Variants in ADD3 observed in about 807,000 individuals in gnomAD.
ADD3 encodes adducin 3.
ADD3 carries 25 observed loss-of-function variants against 80.2 expected under a neutral mutation model. The ratio of observed to expected loss-of-function variants is 0.31; its 90% confidence interval spans 0.23 to 0.44. The LOEUF (loss-of-function observed/expected upper bound fraction) is 0.44, where lower values mean the gene tolerates loss of function less well. ADD3 is among the 20% of genes least tolerant of loss of function. ADD3 has a pLI of 1.00. For synonymous variants in ADD3, 284 were observed against 289.6 expected (o/e 0.98, Z 0.20); for missense variants, 829 against 847.5 (o/e 0.98, Z 0.27).
At chr10:110,053,611 TA>T (rs1005588645) in intron 1 of ADD3, among the ~76,000 whole-genome samples, 1 of 152,154 alleles carries the variant, frequency 6.6e-6, no homozygotes, top group African/African-American at 2.4e-5. Flanking sequence ...TTTTTAACTT[TA>T]AAAAAATAGT....
chr10:110,102,959 A>G (rs1395811400), intron 2 of ADD3, among the ~76,000 whole-genome samples: 1 of 152,222 alleles, frequency 6.6e-6, no homozygotes, highest in Admixed American at 6.5e-5. Flanking sequence ...GTGAAAGGGC[A>G]AACGCATAGT....
intron 1 of ADD3, among the ~76,000 whole-genome samples, chr10:110,050,670 A>C (rs1857420792): frequency 1.3e-5 from 2 of 151,908 alleles, no homozygotes; most frequent in Non-Finnish European, 2.9e-5. Context: ...GCACGACCAC[A>C]CCAAGCTAAT....
chr10:110,054,709 G>T (rs893075715), intron 1 of ADD3, among the ~76,000 whole-genome samples: 1 of 151,664 alleles, frequency 6.6e-6, no homozygotes, highest in African/African-American at 2.4e-5. Flanking sequence ...GCACCCCTGG[G>T]TTCATGCCAT....
At chr10:110,033,273 C>T (rs1269530624) in intron 1 of ADD3, among the ~76,000 whole-genome samples, 1 of 152,214 alleles carries the variant, frequency 6.6e-6, no homozygotes, top group Non-Finnish European at 1.5e-5. Flanking sequence ...TACCAGATGG[C>T]AGTCTTTTCT....
intron 1 of ADD3, among the ~76,000 whole-genome samples, chr10:110,073,136 T>A (rs1844955341): frequency 6.9e-6 from 1 of 145,952 alleles, no homozygotes; most frequent in African/African-American, 2.7e-5. Context: ...AGTTTTAGTT[T>A]TCTTTTTTTT....
rs897903954 is a variant in ADD3 at position 110,061,004 on chromosome 10, C to T, written c.-29-39621C>T. Among the ~76,000 whole-genome samples, 7 of 152,190 alleles carry T rather than the reference C, an allele frequency of 4.6e-5. 1 individual carries two copies. The highest frequency in any genetic ancestry group is 4.6e-4 in the Admixed American group (7 of 15,286). On this transcript the variant is annotated intron_variant, in intron 1 of 14. Coordinates refer to ENST00000356080, the MANE Select transcript of ADD3 (RefSeq NM_016824.5). Reference sequence around the variant, plus strand: ...GAAAAGAAAGAATTGGACTAGATGACCTTTAAGGTCCTTTTGACCGTATTT... The same window carrying T: ...GAAAAGAAAGAATTGGACTAGATGATCTTTAAGGTCCTTTTGACCGTATTT...
intron 1 of ADD3, among the ~76,000 whole-genome samples, chr10:110,092,385 A>G (rs748874641): frequency 6.6e-6 from 1 of 152,220 alleles, no homozygotes; most frequent in African/African-American, 2.4e-5. Context: ...ATACTATGCA[A>G]CCATAAAAAA....
At position 110,125,947 on chromosome 10, in the gene ADD3, T is replaced by A; in HGVS notation, c.1521+2T>A. On this transcript the variant is annotated splice_donor_variant, in intron 11 of 14. Coordinates refer to ENST00000356080, the MANE Select transcript of ADD3 (RefSeq NM_016824.5). LOFTEE classifies it high-confidence loss of function. The stretch of plus-strand genomic sequence containing the variant: ...GAGGTACTAGAAAAGAGAAATAAGG[T>A]AAGACATGGTCTTCTATAGCCAGGG... 6.2e-7 allele frequency: 1 copy of A among 1,602,256 alleles called. No homozygotes were observed. Among genetic ancestry groups the A allele is most frequent in the Non-Finnish European group, 8.5e-7 (1 of 1,172,496 alleles).
Position 110,119,373 on chromosome 10 carries a change from C to T in ADD3, c.861+19C>T. 1.2e-6 allele frequency: 2 copies of T among 1,613,358 alleles called. No homozygotes were observed. Among genetic ancestry groups the T allele is most frequent in the Non-Finnish European group, 8.5e-7 (1 of 1,179,484 alleles). On this transcript the variant is annotated intron_variant, in intron 7 of 14. Coordinates refer to ENST00000356080, the MANE Select transcript of ADD3 (RefSeq NM_016824.5). ...TTGTAAGGTATGTAGTAGAGTTTGT[C>T]TAAGGAGCTATTTTTGTTGCTGCTG...
At chr10:110,036,395 T>TTTTTTTTTTTTTTTTTTTTTTTTTTC (rs1564872122) in intron 1 of ADD3, among the ~76,000 whole-genome samples, 1 of 149,030 alleles carries the variant, frequency 6.7e-6, no homozygotes. Flanking sequence ...TTTTTTTTTT[T>TTTTTTTTTTTTTTTTTTTTTTTTTTC]CTTGAGACGA....
At chr10:110,047,369 T>C (rs1857013796) in intron 1 of ADD3, among the ~76,000 whole-genome samples, 2 of 152,196 alleles carry the variant, frequency 1.3e-5, no homozygotes, top group African/African-American at 4.8e-5. Flanking sequence ...TCTATGACTT[T>C]GGGCAAGTCA....
chr10:110,013,168 C>T (rs1199928292), intron 1 of ADD3, among the ~76,000 whole-genome samples: 1 of 152,042 alleles, frequency 6.6e-6, no homozygotes, highest in African/African-American at 2.4e-5. Flanking sequence ...AGTGGTGTGA[C>T]CTCGGCACAC....
chr10:110,115,641 G>A (rs1435152295), intron 3 of ADD3, among the ~76,000 whole-genome samples: 3 of 152,196 alleles, frequency 2.0e-5, no homozygotes, highest in Non-Finnish European at 4.4e-5. Context: ...AAGAGATCTA[G>A]GATAGTATCA....
At chr10:110,119,119 A>G in intron 6 of ADD3, 92 bp from the exon 7 acceptor site, 3 of 1,367,084 alleles carry the variant, frequency 2.2e-6, no homozygotes, top group Non-Finnish European at 3.1e-6. Context: ...TGAATAGGCC[A>G]GTGTTTTCCT....
At chr10:110,117,628 A>G (rs1850904572) in intron 5 of ADD3, among the ~76,000 whole-genome samples, 1 of 152,108 alleles carries the variant, frequency 6.6e-6, no homozygotes, top group Non-Finnish European at 1.5e-5. Context: ...AGTTGGTCTT[A>G]TCAGTTAACT....
At chr10:110,026,083 A>G (rs964550412) in intron 1 of ADD3, among the ~76,000 whole-genome samples, 1 of 152,198 alleles carries the variant, frequency 6.6e-6, no homozygotes, top group African/African-American at 2.4e-5. Context: ...CAAGTCATGT[A>G]CATGGTAAAT....
chr10:110,128,049 ATTTT>A (rs71486096), intron 12 of ADD3, among the ~76,000 whole-genome samples: 4 of 105,970 alleles, frequency 3.8e-5, no homozygotes, highest in Admixed American at 2.1e-4. Flanking sequence ...TTTGTTTAGG[ATTTT>A]TTTTTTTTTT....
At chr10:110,036,465 C>T (rs998493004) in intron 1 of ADD3, among the ~76,000 whole-genome samples, 19 of 151,188 alleles carry the variant, frequency 1.3e-4, no homozygotes, top group Non-Finnish European at 1.8e-4. Flanking sequence ...CTGCAAGCCC[C>T]GCTTCCCAGG....
At chr10:110,077,751 G>A (rs909891119) in intron 1 of ADD3, among the ~76,000 whole-genome samples, 2 of 146,354 alleles carry the variant, frequency 1.4e-5, no homozygotes, top group African/African-American at 2.6e-5. Context: ...TGTTCATTGA[G>A]GTCCATGTTC....
Sources: gnomAD v4.1 joint callset for allele counts (sites outside exome capture counted in the v4.1 genomes callset) on GRCh38, gnomAD v4.1.1 for gene constraint, MANE v1.5 for transcripts, NCBI Gene and HGNC (gene_info 2026-07-23, HGNC 2026-07-21) for gene names.